The following TTC14 variants were observed in gnomAD, a reference collection of about 807,000 sequenced individuals.
TTC14 encodes tetratricopeptide repeat protein 14.
TTC14 carries 63 observed loss-of-function variants against 79.9 expected under a neutral mutation model. That is an observed-to-expected ratio of 0.79 (90% CI 0.64 to 0.97). The LOEUF is 0.97. Among genes scored for constraint, TTC14 ranks in the 50% least tolerant of loss-of-function variants. The pLI is 0.00. For synonymous variants in TTC14, 335 were observed against 309.6 expected (o/e 1.08, Z -0.86); for missense variants, 895 against 894.0 (o/e 1.00, Z -0.01).
At position 180,608,682 on chromosome 3, in the gene TTC14, G is replaced by T. The variant is rs768892292; in HGVS notation, c.1291-19G>T. 1.3e-6 allele frequency: 2 copies of T among 1,490,330 alleles called. No homozygotes were observed. Among genetic ancestry groups the T allele is most frequent in the Non-Finnish European group, 1.8e-6 (2 of 1,125,404 alleles). The allele number at this position is 1,490,330 out of a possible 1,614,324, so 92.3% of individuals were successfully genotyped here. The stretch of plus-strand genomic sequence containing the variant: ...CTATTTTTAACGTGTGGTTTTTTTC[G>T]ATATCTGGGTTCTAAAAGAAATCTT... On this transcript the variant is annotated intron_variant, in intron 10 of 11. Coordinates refer to ENST00000296015, the MANE Select transcript of TTC14 (RefSeq NM_133462.4).
In TTC14 at chr3:180,609,711, T is replaced by C; in HGVS notation, c.1482T>C (p.Ser494=). The part of the protein sequence containing the change: ...ADESVSSSSS[S]SSSGHKRHKK... ...AATCAGTGTCTTCATCATCATCCTC[T>C]TCCTCTTCTGGTCACAAAAGGCATA... Residue 494 remains serine, a synonymous_variant, in exon 12 of 12, where the codon TCT becomes TCC. Transcript: ENST00000296015. 1.2e-6 allele frequency: 2 copies of C among 1,613,176 alleles called. No homozygotes were observed. Among genetic ancestry groups the C allele is most frequent in the South Asian group, 2.2e-5 (2 of 90,792 alleles).
Position 180,606,265 on chromosome 3 carries a change from A to C in TTC14, c.942A>C (p.Gly314=). Residue 314 remains glycine (G), a synonymous_variant, in exon 8 of 12, where the codon GGA becomes GGC. Coordinates refer to ENST00000296015, the MANE Select transcript of TTC14 (RefSeq NM_133462.4). ...ATGTCTTTTTTAGTGTGAAGATCGG[A>C]GTTGACTATTTTAAAGTTGGACGCC... is the stretch of plus-strand genomic sequence containing the variant. ...ASWALKCVKI[G]VDYFKVGRHV... is the part of the protein sequence containing the mutation. The C allele has an allele frequency of 3.1e-6, 5 of 1,614,032 alleles. No homozygotes were observed. The highest frequency in any genetic ancestry group is 4.2e-6 in the Non-Finnish European group (5 of 1,179,956).
intron 6 of TTC14, 97 bp from the exon 7 acceptor site, chr3:180,605,669 C>T: frequency 1.3e-6 from 1 of 784,298 alleles, no homozygotes; most frequent in Non-Finnish European, 2.0e-6. Flanking sequence ...GCTTGGGATT[C>T]ATACTTTCAC....
At chr3:180,611,514 C>T (rs1281157059), downstream of TTC14, among the ~76,000 whole-genome samples, 1 of 152,186 alleles carries the variant, frequency 6.6e-6, no homozygotes, top group Non-Finnish European at 1.5e-5. Flanking sequence ...ACCCCTTTCT[C>T]AGAGTCTGAA....
Position 180,610,388 on chromosome 3 carries a change from AG to A in TTC14, c.2161del (p.Asp721IlefsTer12), listed in dbSNP as rs1716934712. The A allele has an allele frequency of 6.2e-7, 1 of 1,613,798 alleles. No individual in the cohort carries two copies. The highest frequency in any genetic ancestry group is 8.5e-7 in the Non-Finnish European group (1 of 1,179,914). ...GEYEREDNYG[E>X]DIKTEVPEED... Reference sequence around the variant, plus strand: ...TATGAAAGAGAGGACAATTATGGGGAGGATATCAAAACAGAGGTTCCAGAAG... The same window carrying A: ...TATGAAAGAGAGGACAATTATGGGGAGATATCAAAACAGAGGTTCCAGAAG... On this transcript the variant is annotated frameshift_variant, in exon 12 of 12. Transcript: ENST00000296015. LOFTEE classifies it high-confidence loss of function.
At chr3:180,617,686 G>A in exon 13 of TTC14, 2 of 393,284 alleles carry the variant, frequency 5.1e-6, no homozygotes, top group East Asian at 7.2e-5. Flanking sequence ...TTGTGCAGTT[G>A]AACAATGAGT....
At position 180,610,840 on chromosome 3, in the gene TTC14, G is replaced by T. The variant is rs929581006; in HGVS notation, c.*298G>T. The T allele has an allele frequency of 2.0e-6, 2 of 999,184 alleles. No individual in the cohort carries two copies. Among genetic ancestry groups the T allele is most frequent in the African/African-American group, 3.5e-5 (2 of 57,634 alleles). The allele number at this position is 999,184 out of a possible 1,614,324, so 61.9% of individuals were successfully genotyped here. ...AAGTACTGTTTCTTCATTCTATTGC[G>T]GTATATGAGAATTCCTGGGTGCATC... On this transcript the variant is annotated 3_prime_UTR_variant, in exon 12 of 12. Coordinates refer to ENST00000296015, the MANE Select transcript of TTC14 (RefSeq NM_133462.4).
exon 13 of TTC14, chr3:180,617,569 CT>C: frequency 3.5e-6 from 2 of 571,968 alleles, no homozygotes; most frequent in African/African-American, 1.9e-5. Context: ...CACGGGTAGG[CT>C]TAGGTTTATG....
chr3:180,607,730 G>A lies in TTC14; in HGVS notation c.1255G>A (p.Glu419Lys), dbSNP rs981518173. 2 of 1,611,946 alleles carry A rather than the reference G, an allele frequency of 1.2e-6. No individual in the cohort carries two copies. The highest frequency in any genetic ancestry group is 2.7e-5 in the African/African-American group (2 of 74,886). The change falls in exon 10 of 12, where the codon GAG becomes AAG. Residue 419 changes from glutamate (E) to lysine (K), a missense_variant. Transcript: ENST00000296015. ...TTTGGATGAGACTTTTAAAGATGCA[G>A]AGGATGCTTTGCAGAAACTTCATAA... ...LALDETFKDA[E>K]DALQKLHKYM...
Position 180,616,346 on chromosome 3 carries a change from A to G in TTC14, c.1775-1034A>G, listed in dbSNP as rs1372606259. On this transcript the variant is annotated intron_variant, in intron 12 of 12. Coordinates refer to the TTC14 transcript ENST00000382584. ...GACGACTGCCTTTTGTGCTAGCTGT[A>G]GGTAGTTCTAACCCACTCTGGAGGA... The G allele has an allele frequency of 6.2e-7, 1 of 1,612,916 alleles. No homozygotes were observed. The highest frequency in any genetic ancestry group is 8.5e-7 in the Non-Finnish European group (1 of 1,179,124).
chr3:180,604,097 C>T, intron 3 of TTC14, 128 bp from the exon 4 acceptor site: 1 of 784,290 alleles, frequency 1.3e-6, no homozygotes, highest in Non-Finnish European at 2.1e-6. Context: ...TAACTAAATC[C>T]TTATTTAAAT....
chr3:180,602,456 G>A (rs1469958845), intron 1 of TTC14, 34 bp downstream of exon 1: 3 of 1,567,282 alleles, frequency 1.9e-6, no homozygotes, highest in Admixed American at 3.7e-5. Flanking sequence ...CGCCACGGAA[G>A]AGGGGACGCA....
chr3:180,617,530 T>C, exon 13 of TTC14: 1 of 636,386 alleles, frequency 1.6e-6, no homozygotes, highest in Middle Eastern at 2.5e-4. Flanking sequence ...GATATGGAGG[T>C]GGAAGACAGT....
Position 180,607,681 on chromosome 3 carries a change from A to C in TTC14, c.1206A>C (p.Glu402Asp). The change falls in exon 10 of 12, where the codon GAA (glutamate) becomes GAC (aspartate). Residue 402 changes from glutamate to aspartate, a missense_variant. Glu to Asp is a conservative substitution (Grantham distance 45, BLOSUM62 2). Transcript: ENST00000296015. ...AAGAAGAAAAGTTTTTAAATGCTGA[A>C]AGTTACTATAAGAAAGCTTTGGCTT... Reference protein sequence around the residue: ...LEEEEKFLNAESYYKKALALD... With the variant: ...LEEEEKFLNADSYYKKALALD... 6.2e-7 allele frequency: 1 copy of C among 1,606,980 alleles called. No individual in the cohort carries two copies. Among genetic ancestry groups the C allele is most frequent in the Non-Finnish European group, 8.5e-7 (1 of 1,177,844 alleles).
In TTC14 at chr3:180,616,971, A is replaced by G. The variant is rs200409307; in HGVS notation, c.1775-409A>G. ...ATCTAATGTATTTTCCATGCTCTGT[A>G]GAAAAAATATTAACATGTATTTTTT... is the stretch of plus-strand genomic sequence containing the variant. On this transcript the variant is annotated intron_variant, in intron 12 of 12. Transcript: ENST00000382584. 1.2e-4 allele frequency: 154 copies of G among 1,292,666 alleles called. No homozygotes were observed. The highest frequency in any genetic ancestry group is 1.4e-4 in the Non-Finnish European group (133 of 951,752). The allele number at this position is 1,292,666 out of a possible 1,614,324, so 80.1% of individuals were successfully genotyped here.
Position 180,610,670 on chromosome 3 carries a change from T to G in TTC14, c.*128T>G, listed in dbSNP as rs1716954532. ...ATTTGTAGAGATTACAGGAAACAAA[T>G]GCTTTTAAGTAAGTTTTTCTCAAAT... On this transcript the variant is annotated 3_prime_UTR_variant, in exon 12 of 12. Transcript: ENST00000296015. The G allele has an allele frequency of 2.1e-6, 3 of 1,428,088 alleles. No individual in the cohort carries two copies. The highest frequency in any genetic ancestry group is 1.6e-5 in the South Asian group (1 of 62,976). The allele number at this position is 1,428,088 out of a possible 1,614,324, so 88.5% of individuals were successfully genotyped here. A position where few individuals can be genotyped will look rare whatever the true frequency, so the allele number is the denominator to read the frequency against.
chr3:180,609,929 A>G lies in TTC14; in HGVS notation c.1700A>G (p.Glu567Gly), dbSNP rs1171382937. 1 of 1,613,986 alleles carries G rather than the reference A, an allele frequency of 6.2e-7. No homozygotes were observed. Among genetic ancestry groups the G allele is most frequent in the Non-Finnish European group, 8.5e-7 (1 of 1,179,960 alleles). Residue 567 changes from glutamate (E) to glycine (G), a missense_variant, in exon 12 of 12, where the codon GAA (glutamate) becomes GGA (glycine). Glu to Gly is a moderately conservative substitution (Grantham distance 98). Coordinates refer to ENST00000296015, the MANE Select transcript of TTC14 (RefSeq NM_133462.4). ...GGGAAGCAGGATAGGTTACAGTATG[A>G]AAAGACACAGATAAAAGAGAAAGAT... ...LLGKQDRLQYEKTQIKEKDRC... is the reference protein window; with the variant it reads ...LLGKQDRLQYGKTQIKEKDRC...
chr3:180,602,872 A>G lies in TTC14; in HGVS notation c.162-19A>G. ...TTTGCAGATAACCCAATTTTCATAT[A>G]TATTTTTTTCTTTTTAAGAAAAGAG... On this transcript the variant is annotated intron_variant, in intron 1 of 11. Coordinates refer to ENST00000296015, the MANE Select transcript of TTC14 (RefSeq NM_133462.4). 2 of 1,594,072 alleles carry G rather than the reference A, an allele frequency of 1.3e-6. No individual in the cohort carries two copies. Among genetic ancestry groups the G allele is most frequent in the Non-Finnish European group, 8.5e-7 (1 of 1,173,564 alleles).
At chr3:180,607,567 CAT>C in intron 9 of TTC14, 79 bp from the exon 10 acceptor site, 1 of 1,444,026 alleles carries the variant, frequency 6.9e-7, no homozygotes, top group Non-Finnish European at 9.2e-7. Context: ...TAAGCTCTCT[CAT>C]ATAAGCCTTT....
Sources: gnomAD v4.1 joint callset for allele counts (sites outside exome capture counted in the v4.1 genomes callset) on GRCh38, gnomAD v4.1.1 for gene constraint, MANE v1.5 for transcripts, NCBI Gene and HGNC (gene_info 2026-07-23, HGNC 2026-07-21) for gene names.